NRXN1: variants seen among roughly 807,000 people sequenced by gnomAD.
NRXN1 encodes the protein neurexin 1, also known as neurexin-1.
In NRXN1, 39 loss-of-function variants were observed where a neutral mutation model predicts 150.9. That is an observed-to-expected ratio of 0.26 (90% CI 0.20 to 0.34). NRXN1 has a LOEUF of 0.34. Ranked by LOEUF, NRXN1 falls within the 10% of genes least tolerant of loss-of-function variation. NRXN1 has a pLI of 1.00. For missense variants in NRXN1, 1,815 were observed against 1,949.9 expected (o/e 0.93, Z 1.30); for synonymous variants, 924 against 757.0 (o/e 1.22, Z -3.62).
In NRXN1 at chr2:50,598,611, C is replaced by CAT. The variant is rs534822001; in HGVS notation, c.1320+21409_1320+21410dup. Among the ~76,000 whole-genome samples, 271 of 142,598 alleles carry CAT rather than the reference C, an allele frequency of 1.9e-3. 4 individuals are homozygous for CAT. The highest frequency in any genetic ancestry group is 5.0e-4 in the Non-Finnish European group (33 of 66,000). 93.5% of individuals were successfully genotyped at this position (142,598 alleles called of 152,430 possible). A position where few individuals can be genotyped will look rare whatever the true frequency, so the allele number is the denominator to read the frequency against. ...ATGTATATATGCGCGTGTATATATA[C>CAT]ATATATATACATGTATATATGTATA... On this transcript the variant is annotated intron_variant, in intron 8 of 22. Transcript: ENST00000401669.
chr2:50,855,151 G>A (rs969025138), intron 5 of NRXN1, among the ~76,000 whole-genome samples: 5 of 151,846 alleles, frequency 3.3e-5, no homozygotes, highest in African/African-American at 1.2e-4. Context: ...GGTGGTTCAA[G>A]ATATAAGGGA....
At chr2:50,741,730 C>T (rs1396506872) in intron 5 of NRXN1, among the ~76,000 whole-genome samples, 1 of 152,086 alleles carries the variant, frequency 6.6e-6, no homozygotes, top group African/African-American at 2.4e-5. Context: ...GCTGGCTTTC[C>T]ACACAGCACC....
chr2:50,817,085 CATA>C (rs1176802617), intron 5 of NRXN1, among the ~76,000 whole-genome samples: 1 of 151,862 alleles, frequency 6.6e-6, no homozygotes, highest in African/African-American at 2.4e-5. Context: ...ACTGAATTTC[CATA>C]ATTTATTTAG....
intron 19 of NRXN1, among the ~76,000 whole-genome samples, chr2:50,058,156 T>C (rs542717942): frequency 1.6e-4 from 24 of 152,322 alleles, no homozygotes; most frequent in Non-Finnish European, 3.1e-4. Flanking sequence ...TATGACAGTA[T>C]GATGTAAGTC....
intron 5 of NRXN1, among the ~76,000 whole-genome samples, chr2:50,645,185 G>C (rs929529058): frequency 2.0e-5 from 3 of 151,890 alleles, no homozygotes; most frequent in African/African-American, 7.3e-5. Flanking sequence ...ATGCAGAAAA[G>C]TTCATGATTG....
intron 17 of NRXN1, among the ~76,000 whole-genome samples, chr2:50,356,655 T>C (rs1177688386): frequency 1.3e-5 from 2 of 152,180 alleles, no homozygotes; most frequent in Admixed American, 1.3e-4. Context: ...GAAAACATTA[T>C]GCCTGCAAAG....
At chr2:50,714,499 T>C (rs1695605411) in intron 5 of NRXN1, among the ~76,000 whole-genome samples, 1 of 152,024 alleles carries the variant, frequency 6.6e-6, no homozygotes, top group South Asian at 2.1e-4. Context: ...GATAGTTTCT[T>C]CCCGCCATCA....
At chr2:50,564,962 A>G (rs1213385645) in intron 8 of NRXN1, among the ~76,000 whole-genome samples, 3 of 152,206 alleles carry the variant, frequency 2.0e-5, no homozygotes, top group African/African-American at 7.2e-5. Flanking sequence ...TTTTGGCAGC[A>G]TTTAAATTGG....
chr2:50,421,344 A>T (rs1480228784), intron 17 of NRXN1, among the ~76,000 whole-genome samples: 1 of 152,080 alleles, frequency 6.6e-6, no homozygotes, highest in Non-Finnish European at 1.5e-5. Flanking sequence ...TCACTTTCTA[A>T]ATGGAGCGAC....
At chr2:50,808,583 T>C (rs188544961) in intron 5 of NRXN1, among the ~76,000 whole-genome samples, 12 of 152,088 alleles carry the variant, frequency 7.9e-5, no homozygotes, top group African/African-American at 2.4e-4. Context: ...AAATAAATGT[T>C]TGTGTTCAAG....
chr2:50,754,461 C>A (rs529215761), intron 5 of NRXN1, among the ~76,000 whole-genome samples: 1 of 151,752 alleles, frequency 6.6e-6, no homozygotes, highest in Non-Finnish European at 1.5e-5. Context: ...TTTCATTATG[C>A]CATACAAAAT....
intron 2 of NRXN1, among the ~76,000 whole-genome samples, chr2:50,954,452 C>G (rs1347195553): frequency 1.3e-5 from 2 of 152,102 alleles, no homozygotes; most frequent in African/African-American, 4.8e-5. Flanking sequence ...AGAGTCCAAC[C>G]CAGAGCGGGT....
chr2:50,386,542 G>T (rs1366354350), intron 17 of NRXN1, among the ~76,000 whole-genome samples: 1 of 151,956 alleles, frequency 6.6e-6, no homozygotes, highest in Non-Finnish European at 1.5e-5. Context: ...CTAATAAGAT[G>T]AATATAAGCA....
At chr2:50,286,655 A>T (rs2072223475) in intron 17 of NRXN1, among the ~76,000 whole-genome samples, 1 of 152,138 alleles carries the variant, frequency 6.6e-6, no homozygotes, top group Non-Finnish European at 1.5e-5. Flanking sequence ...CAGCCAATTC[A>T]TCAAATCAAC....
At position 50,508,688 on chromosome 2, in the gene NRXN1, T is replaced by C. The variant is rs118062741; in HGVS notation, c.2375-2071A>G. ...AGGGTGATATCATCGTTATACCCCA[T>C]CCTTGGCTTGATCTTGCAGTAAAGT... On this transcript the variant is annotated intron_variant, in intron 12 of 22. Coordinates refer to ENST00000401669, the MANE Select transcript of NRXN1 (RefSeq NM_001330078.2). Among the ~76,000 whole-genome samples the C allele has an allele frequency of 1.4e-3, 220 of 152,290 alleles. 1 individual carries two copies. The highest frequency in any genetic ancestry group is 0.013 in the East Asian group (66 of 5,172).
chr2:50,781,869 G>T (rs1236305696), intron 5 of NRXN1, among the ~76,000 whole-genome samples: 2 of 152,126 alleles, frequency 1.3e-5, no homozygotes, highest in Non-Finnish European at 2.9e-5. Context: ...AGTTCCCTCT[G>T]CTGTAAACTG....
intron 5 of NRXN1, among the ~76,000 whole-genome samples, chr2:50,669,612 A>C (rs1189041670): frequency 6.6e-6 from 1 of 151,804 alleles, no homozygotes; most frequent in Non-Finnish European, 1.5e-5. Flanking sequence ...TGAATAAAAT[A>C]CTATATAATA....
intron 2 of NRXN1, among the ~76,000 whole-genome samples, chr2:50,992,302 T>C (rs1375634722): frequency 1.3e-5 from 2 of 152,004 alleles, no homozygotes; most frequent in African/African-American, 2.4e-5. Flanking sequence ...CTGAGGATTA[T>C]AGAAGTTAAA....
chr2:50,690,591 A>G (rs1428113854), intron 5 of NRXN1, among the ~76,000 whole-genome samples: 1 of 152,190 alleles, frequency 6.6e-6, no homozygotes, highest in Non-Finnish European at 1.5e-5. Context: ...GTTTGAGAAT[A>G]AGTGTAATTG....
Sources: gnomAD v4.1 joint callset for allele counts (sites outside exome capture counted in the v4.1 genomes callset) on GRCh38, gnomAD v4.1.1 for gene constraint, MANE v1.5 for transcripts, NCBI Gene and HGNC (gene_info 2026-07-23, HGNC 2026-07-21) for gene names.